Variants in TRAPPC8 observed in about 807,000 individuals in gnomAD.
TRAPPC8 encodes the protein trafficking protein particle complex subunit 8.
Under a neutral mutation model 174.3 loss-of-function variants are expected in TRAPPC8, and 54 were observed. That is an observed-to-expected ratio of 0.31 (90% CI 0.25 to 0.39). The LOEUF (loss-of-function observed/expected upper bound fraction) is 0.39, where lower values mean the gene tolerates loss of function less well. Ranked by LOEUF, TRAPPC8 falls within the 10% of genes least tolerant of loss-of-function variation. TRAPPC8 has a pLI of 1.00. For synonymous variants in TRAPPC8, 630 were observed against 579.9 expected (o/e 1.09, Z -1.24); for missense variants, 1,531 against 1,699.1 (o/e 0.90, Z 1.74).
chr18:31,834,430 C>T (rs995889882), intron 27 of TRAPPC8, among the ~76,000 whole-genome samples: 2 of 152,098 alleles, frequency 1.3e-5, no homozygotes, highest in African/African-American at 4.8e-5. Context: ...ATTTTGAAAA[C>T]TGCTTTACAC....
rs752825132 is a variant in TRAPPC8 at position 31,857,579 on chromosome 18, A to G, written c.3149T>C (p.Leu1050Ser). 15 of 1,607,940 alleles carry G rather than the reference A, an allele frequency of 9.3e-6. No homozygotes were observed. Among genetic ancestry groups the G allele is most frequent in the African/African-American group, 1.3e-5 (1 of 74,574 alleles). The change falls in exon 20 of 29, where the codon TTG (leucine) becomes TCG (serine). Residue 1050 changes from leucine (L) to serine (S), a missense_variant. Transcript: ENST00000283351. ...CTTTTTGACACTTTCATAGTAAAAC[A>G]AAAAGTTAATTTCATGGACACCTTC... Reference protein sequence around the residue: ...DEEGVHEINFLFYYESVKKQP... With the variant: ...DEEGVHEINFSFYYESVKKQP...
chr18:31,836,363 A>C (rs2032719862), intron 27 of TRAPPC8, among the ~76,000 whole-genome samples: 1 of 152,176 alleles, frequency 6.6e-6, no homozygotes, highest in African/African-American at 2.4e-5. Context: ...AGTTTGATCA[A>C]AACTTTCCTG....
chr18:31,850,096 T>C (rs535133889), intron 24 of TRAPPC8, among the ~76,000 whole-genome samples: 1 of 151,980 alleles, frequency 6.6e-6, no homozygotes, highest in African/African-American at 2.4e-5. Flanking sequence ...AGGTTACAGG[T>C]GCGTGCCACC....
At chr18:31,863,051 CAAAAAAAA>C (rs35944569) in intron 19 of TRAPPC8, among the ~76,000 whole-genome samples, 1 of 113,784 alleles carries the variant, frequency 8.8e-6, no homozygotes, top group Non-Finnish European at 1.8e-5. Context: ...GACTAGGTCT[CAAAAAAAA>C]AAAAAAAAAA....
chr18:31,900,935 C>T lies in TRAPPC8; in HGVS notation c.1480G>A (p.Asp494Asn). Residue 494 changes from aspartate (D) to asparagine (N), a missense_variant, in exon 10 of 29, where the codon GAT (aspartate) becomes AAT (asparagine). Physicochemically the swap from Asp to Asn is conservative, Grantham distance 23. Transcript: ENST00000283351. ...YMDTAIQTYRDICKNMVLAER... is the reference protein window; with the variant it reads ...YMDTAIQTYRNICKNMVLAER... ...TATATAGTCACCTACTTGCAGATAT[C>T]TCTGTATGTCTGAATTGCTGTATCC... 1 of 1,589,964 alleles carries T rather than the reference C, an allele frequency of 6.3e-7. No individual in the cohort carries two copies. Among genetic ancestry groups the T allele is most frequent in the South Asian group, 1.2e-5 (1 of 86,236 alleles).
intron 2 of TRAPPC8, among the ~76,000 whole-genome samples, chr18:31,928,134 C>T (rs1231021079): frequency 6.7e-6 from 1 of 150,272 alleles, no homozygotes; most frequent in Non-Finnish European, 1.5e-5. Context: ...CCAGCCTGGG[C>T]AAAAGAGTGA....
In TRAPPC8 at chr18:31,830,937, A is replaced by G. The variant is rs34753792; in HGVS notation, c.4126T>C (p.Tyr1376His). ...GSFTWLGQTQ[Y>H]KLQLKSQEIH... is the part of the protein sequence containing the mutation. ...TCCTGGCTTTTAAGTTGAAGTTTAT[A>G]CTGTGTTTGTCCAAGCCATGTGAAT... Residue 1376 changes from tyrosine (Y) to histidine (H), a missense_variant, in exon 29 of 29, where the codon TAT becomes CAT. Tyr to His is a moderately conservative substitution (Grantham distance 83). Transcript: ENST00000283351. The G allele has an allele frequency of 1.2e-3, 2,009 of 1,614,174 alleles. 3 individuals carry two copies. The highest frequency in any genetic ancestry group is 1.5e-3 in the Non-Finnish European group (1,718 of 1,180,040).
At chr18:31,856,516 G>A (rs554844625) in intron 20 of TRAPPC8, among the ~76,000 whole-genome samples, 2 of 152,010 alleles carry the variant, frequency 1.3e-5, no homozygotes, top group Non-Finnish European at 2.9e-5. Flanking sequence ...GTGAGCCACT[G>A]CGCCCAGCCT....
intron 1 of TRAPPC8, among the ~76,000 whole-genome samples, chr18:31,935,989 G>A (rs945537710): frequency 1.3e-5 from 2 of 150,696 alleles, no homozygotes; most frequent in African/African-American, 4.9e-5. Context: ...CACCCACCTC[G>A]GCCTCCCAAA....
intron 12 of TRAPPC8, among the ~76,000 whole-genome samples, 182 bp from the exon 13 acceptor site, chr18:31,874,886 TATAG>T (rs753885407): frequency 3.2e-4 from 49 of 152,324 alleles, no homozygotes; most frequent in Non-Finnish European, 5.1e-4. Flanking sequence ...TATGGAATGA[TATAG>T]ATAAAGTTAC....
At chr18:31,853,114 A>C (rs2033800411) in intron 22 of TRAPPC8, among the ~76,000 whole-genome samples, 2 of 152,198 alleles carry the variant, frequency 1.3e-5, no homozygotes, top group African/African-American at 4.8e-5. Context: ...TCTGGTACAC[A>C]TTCTTTTGTT....
chr18:31,881,596 T>C (rs1414956143), intron 12 of TRAPPC8, among the ~76,000 whole-genome samples: 1 of 152,088 alleles, frequency 6.6e-6, no homozygotes, highest in African/African-American at 2.4e-5. Context: ...GCAAAAAATT[T>C]ATGAGCAAGT....
chr18:31,914,955 G>T (rs1160258361), intron 4 of TRAPPC8, among the ~76,000 whole-genome samples: 3 of 152,140 alleles, frequency 2.0e-5, no homozygotes, highest in Non-Finnish European at 4.4e-5. Flanking sequence ...CTATAAATAT[G>T]AAGTCACAAG....
chr18:31,936,530 G>GAGAT (rs1435830438), intron 1 of TRAPPC8, among the ~76,000 whole-genome samples: 9 of 152,212 alleles, frequency 5.9e-5, no homozygotes, highest in African/African-American at 2.2e-4. Context: ...TCAGAGTTTG[G>GAGAT]TACTTCCACA....
At chr18:31,920,410 G>A (rs1228928939) in intron 2 of TRAPPC8, among the ~76,000 whole-genome samples, 1 of 152,156 alleles carries the variant, frequency 6.6e-6, no homozygotes, top group Non-Finnish European at 1.5e-5. Flanking sequence ...TGTCTCATGA[G>A]AATGACCCAT....
rs770048277 is a variant in TRAPPC8 at position 31,870,456 on chromosome 18, T to C, written c.2304A>G (p.Leu768=). 6 of 1,612,634 alleles carry C rather than the reference T, an allele frequency of 3.7e-6. No homozygotes were observed. Among genetic ancestry groups the C allele is most frequent in the African/African-American group, 2.7e-5 (2 of 74,852 alleles). The change falls in exon 16 of 29, where the codon CTA becomes CTG. Residue 768 remains leucine, a synonymous_variant. Transcript: ENST00000283351. ...EVAFRNPLKV[L]LLLTDLSLLW... is the part of the protein sequence containing the mutation. ...GCAATGACAAATCAGTCAACAAAAGTAGAACTTTCAAAGGGTTTCTAAAAG... is the reference window on the plus strand; with the variant it reads ...GCAATGACAAATCAGTCAACAAAAGCAGAACTTTCAAAGGGTTTCTAAAAG...
chr18:31,871,524 C>T (rs1287764810), intron 14 of TRAPPC8, among the ~76,000 whole-genome samples: 4 of 151,902 alleles, frequency 2.6e-5, no homozygotes, highest in Non-Finnish European at 5.9e-5. Flanking sequence ...CTCTGCACCA[C>T]CCCCAATCTT....
At chr18:31,888,088 C>A (rs1036650128) in intron 12 of TRAPPC8, among the ~76,000 whole-genome samples, 1 of 151,778 alleles carries the variant, frequency 6.6e-6, no homozygotes, top group South Asian at 2.1e-4. Flanking sequence ...AAAAAGTAGG[C>A]AAAGAACATG....
intron 12 of TRAPPC8, among the ~76,000 whole-genome samples, 188 bp from the exon 13 acceptor site, chr18:31,874,892 T>C (rs1184284956): frequency 2.0e-5 from 3 of 152,170 alleles, no homozygotes; most frequent in African/African-American, 7.2e-5. Context: ...ATGATATAGA[T>C]AAAGTTACCT....
Sources: gnomAD v4.1 joint callset for allele counts (sites outside exome capture counted in the v4.1 genomes callset) on GRCh38, gnomAD v4.1.1 for gene constraint, MANE v1.5 for transcripts, NCBI Gene and HGNC (gene_info 2026-07-23, HGNC 2026-07-21) for gene names.